Variants in PCTP observed in about 807,000 individuals in gnomAD.
PCTP encodes the protein START domain-containing protein 2.
A neutral mutation model predicts 31.0 loss-of-function variants in PCTP; 27 were observed. The ratio of observed to expected loss-of-function variants is 0.87; its 90% CI spans 0.64 to 1.20. PCTP has a LOEUF of 1.20. Ranked by LOEUF, PCTP falls within the 50% of genes most tolerant of loss-of-function variation. The probability of loss-of-function intolerance (pLI) is 0.00; values close to 1 mark genes in which losing one functional copy is unlikely to be tolerated. For synonymous variants in PCTP, 108 were observed against 101.2 expected, an observed-to-expected ratio of 1.07 and a Z score of -0.40; for missense variants, 287 against 268.2, an observed-to-expected ratio of 1.07 and a Z score of -0.49.
chr17:55,827,604 A>T (rs889184767), downstream of PCTP, among the ~76,000 whole-genome samples: 2 of 152,220 alleles, frequency 1.3e-5, no homozygotes, highest in African/African-American at 4.8e-5. Flanking sequence ...AGGCTAGCAG[A>T]ACTTGTTTTG....
At chr17:55,799,145 A>C (rs1912284843) in intron 3 of PCTP, among the ~76,000 whole-genome samples, 1 of 151,994 alleles carries the variant, frequency 6.6e-6, no homozygotes, top group Admixed American at 6.6e-5. Context: ...GGACATAGAA[A>C]TTGATTTAAT....
intron 5 of PCTP, among the ~76,000 whole-genome samples, chr17:55,828,228 G>T (rs1905470534): frequency 6.6e-6 from 1 of 152,208 alleles, no homozygotes; most frequent in Non-Finnish European, 1.5e-5. Flanking sequence ...TCCTAGGGCT[G>T]CTGTAACAAA....
intron 5 of PCTP, among the ~76,000 whole-genome samples, chr17:55,828,715 G>A (rs1905486678): frequency 6.6e-6 from 1 of 152,178 alleles, no homozygotes; most frequent in South Asian, 2.1e-4. Context: ...TGGCTTCTGG[G>A]TGATGGAGCC....
chr17:55,842,457 CT>C (rs1171088084), intron 5 of PCTP, among the ~76,000 whole-genome samples: 1 of 152,108 alleles, frequency 6.6e-6, no homozygotes, highest in Non-Finnish European at 1.5e-5. Flanking sequence ...AGAAATTTGA[CT>C]GAGAAAAGCC....
At chr17:55,799,395 C>CT (rs71137177) in intron 3 of PCTP, among the ~76,000 whole-genome samples, 124 of 140,492 alleles carry the variant, frequency 8.8e-4, no homozygotes, top group African/African-American at 1.2e-3. Flanking sequence ...CTTTTTCTTT[C>CT]TTTTTTTTTT....
intron 3 of PCTP, among the ~76,000 whole-genome samples, chr17:55,816,681 C>T (rs577794506): frequency 1.8e-4 from 28 of 152,242 alleles, no homozygotes; most frequent in African/African-American, 4.8e-4. Flanking sequence ...TGATATAACA[C>T]GGACGCCATC....
downstream of PCTP, among the ~76,000 whole-genome samples, chr17:55,845,282 C>T (rs1906111118): frequency 6.6e-6 from 1 of 152,006 alleles, no homozygotes; most frequent in African/African-American, 2.4e-5. Flanking sequence ...ATGCACTTTG[C>T]TCATAGGTCT....
At chr17:55,819,010 C>CAGAAAAAAAAAAA (rs1913022511) in intron 3 of PCTP, among the ~76,000 whole-genome samples, 1 of 51,110 alleles carries the variant, frequency 2.0e-5, no homozygotes, top group Admixed American at 2.9e-4. Context: ...GGAAAGAAAT[C>CAGAAAAAAAAAAA]AAAAAAAAAA....
intron 1 of PCTP, among the ~76,000 whole-genome samples, 185 bp from the exon 2 acceptor site, chr17:55,767,150 T>C: frequency 6.6e-6 from 1 of 152,200 alleles, no homozygotes. Flanking sequence ...TCATTGTAGA[T>C]TCTGGATATT....
In PCTP at chr17:55,819,646, T is replaced by G. The variant is rs1434540907; in HGVS notation, c.318-3115T>G. Among the ~76,000 whole-genome samples the G allele has an allele frequency of 8.5e-5, 13 of 152,122 alleles. 1 individual carries two copies. The highest frequency in any genetic ancestry group is 2.6e-4 in the Admixed American group (4 of 15,264). ...AGTGTGCATCTGTTGTCCTGGCTAC[T>G]TGGGAGGCTGAGGTGGTAGGATTGC... On this transcript the variant is annotated intron_variant, in intron 3 of 3. Coordinates refer to the PCTP transcript ENST00000572536.
chr17:55,774,889 G>A (rs1480491655), intron 5 of PCTP, 30 bp downstream of exon 5: 5 of 541,874 alleles, frequency 9.2e-6, no homozygotes, highest in African/African-American at 2.0e-5. Flanking sequence ...GGCGGGGGGA[G>A]GGATGGGGGA....
downstream of PCTP, among the ~76,000 whole-genome samples, chr17:55,827,916 A>G (rs146127256): frequency 3.4e-3 from 517 of 152,280 alleles, 5 homozygotes; most frequent in Middle Eastern, 6.8e-3. Context: ...GGTCCTGTAA[A>G]ACCACTGTTA....
At chr17:55,775,604 G>A in intron 5 of PCTP, 1 of 1,186,778 alleles carries the variant, frequency 8.4e-7, no homozygotes, top group Non-Finnish European at 1.0e-6. Context: ...TTTAGGAAAA[G>A]TCTTGCCCAG....
intron 5 of PCTP, among the ~76,000 whole-genome samples, chr17:55,832,258 A>G (rs1049261191): frequency 5.3e-5 from 8 of 152,242 alleles, no homozygotes; most frequent in Admixed American, 4.6e-4. Flanking sequence ...CTGTGTCTCA[A>G]TTATCTGTAT....
At chr17:55,834,680 T>C (rs1157697188) in intron 5 of PCTP, among the ~76,000 whole-genome samples, 1 of 152,062 alleles carries the variant, frequency 6.6e-6, no homozygotes, top group East Asian at 1.9e-4. Context: ...AGGGGAGGAC[T>C]GGAAAGTTAA....
chr17:55,780,836 T>C (rs1911539088), downstream of PCTP, among the ~76,000 whole-genome samples: 1 of 152,058 alleles, frequency 6.6e-6, no homozygotes, highest in African/African-American at 2.4e-5. Flanking sequence ...AAGGAAAAGG[T>C]ATGAACTCAG....
intron 3 of PCTP, among the ~76,000 whole-genome samples, chr17:55,803,490 T>C (rs1233681104): frequency 6.6e-6 from 1 of 152,170 alleles, no homozygotes; most frequent in African/African-American, 2.4e-5. Flanking sequence ...CAAAACAGCA[T>C]GGTCCTGGTA....
At chr17:55,759,969 A>G (rs1910250963) in intron 1 of PCTP, among the ~76,000 whole-genome samples, 1 of 152,242 alleles carries the variant, frequency 6.6e-6, no homozygotes. Flanking sequence ...TTAACCTTGT[A>G]AATATAATTG....
At chr17:55,805,750 A>T (rs568495193) in intron 3 of PCTP, among the ~76,000 whole-genome samples, 1 of 152,070 alleles carries the variant, frequency 6.6e-6, no homozygotes, top group Non-Finnish European at 1.5e-5. Flanking sequence ...ACCAGATTTG[A>T]CTCTCTTCCC....
Sources: allele counts gnomAD v4.1 joint callset (sites outside exome capture counted in the v4.1 genomes callset), GRCh38; gene constraint gnomAD v4.1.1; transcripts MANE v1.5; gene names NCBI Gene and HGNC (gene_info 2026-07-23, HGNC 2026-07-21).